GDF7: variants seen among roughly 807,000 people sequenced by gnomAD.
GDF7 encodes the protein growth/differentiation factor 7.
In GDF7, 12 loss-of-function variants were observed where a neutral mutation model predicts 13.4. That is an observed-to-expected ratio of 0.90 (90% CI 0.57 to 1.45). The LOEUF (loss-of-function observed/expected upper bound fraction) is 1.45, where lower values mean the gene tolerates loss of function less well. Ranked by LOEUF, GDF7 falls within the 40% of genes most tolerant of loss-of-function variation. The pLI, the probability that GDF7 is intolerant of heterozygous loss-of-function variation, is 0.00. For missense variants in GDF7, 651 were observed against 652.4 expected, an observed-to-expected ratio of 1.00 and a Z score of 0.02; for synonymous variants, 330 against 306.4, an observed-to-expected ratio of 1.08 and a Z score of -0.80.
Position 20,670,367 on chromosome 2 carries a change from C to G in GDF7, c.392-97C>G. On this transcript the variant is annotated intron_variant, in intron 1 of 1. Transcript: ENST00000272224. ...ACAGGCCTGGCTCCCACATCGAAGACAGCTGGGCCATTTGCTGTTAGGAGG... is the reference window on the plus strand; with the variant it reads ...ACAGGCCTGGCTCCCACATCGAAGAGAGCTGGGCCATTTGCTGTTAGGAGG... 2.3e-6 allele frequency: 3 copies of G among 1,309,622 alleles called. No individual in the cohort carries two copies. The South Asian group carries it at 5.1e-5, about 22-fold the overall frequency. 81.1% of individuals were successfully genotyped at this position (1,309,622 alleles called of 1,614,324 possible).
chr2:20,670,411 C>T (rs1662094158), intron 1 of GDF7, 53 bp from the exon 2 acceptor site: 1 of 1,460,184 alleles, frequency 6.8e-7, no homozygotes, highest in Non-Finnish European at 9.0e-7. Flanking sequence ...TGACAGTGTG[C>T]AGGATTTGCT....
rs542372861 is a variant in GDF7, at chr2:20,678,823, G to A, written c.*7398G>A. The A allele has an allele frequency of 3.3e-5, 5 of 152,238 alleles. No homozygotes were observed. Among genetic ancestry groups the A allele is most frequent in the Non-Finnish European group, 7.3e-5 (5 of 68,044 alleles). The allele number at this position is 152,238 out of a possible 1,614,324, so 9.4% of individuals were successfully genotyped here. ...TTTTCTTAGCTTGGCTTGGGAGTAAGGAGATTGGAGTGTGGGGGGACATTA... is the reference window on the plus strand; with the variant it reads ...TTTTCTTAGCTTGGCTTGGGAGTAAAGAGATTGGAGTGTGGGGGGACATTA... On this transcript the variant is annotated 3_prime_UTR_variant, in exon 2 of 2. Coordinates refer to ENST00000272224, the MANE Select transcript of GDF7 (RefSeq NM_182828.4).
intron 1 of GDF7, among the ~76,000 whole-genome samples, chr2:20,669,137 T>A (rs1662050969): frequency 6.6e-6 from 1 of 152,184 alleles, no homozygotes; most frequent in Non-Finnish European, 1.5e-5. Flanking sequence ...GCAGAGGATC[T>A]GCAGGGAATC....
Position 20,667,269 on chromosome 2 carries a change from C to G in GDF7, c.30C>G (p.Cys10Trp). 8.1e-7 allele frequency: 1 copy of G among 1,237,460 alleles called. No individual in the cohort carries two copies. The highest frequency in any genetic ancestry group is 1.0e-6 in the Non-Finnish European group (1 of 981,688). 76.7% of individuals were successfully genotyped at this position (1,237,460 alleles called of 1,614,324 possible). Residue 10 changes from cysteine (C) to tryptophan (W), a missense_variant, in exon 1 of 2, where the codon TGC becomes TGG. Transcript: ENST00000272224. The surrounding 1 kb of genome is among the most constrained non-coding windows in gnomAD (Gnocchi z 6.4). Reference sequence around the variant, plus strand: ...ACCTGAGCGCCGCCGCCGCGCTGTGCCTTTGGCTGCTGAGCGCCTGCCGCC... The same window carrying G: ...ACCTGAGCGCCGCCGCCGCGCTGTGGCTTTGGCTGCTGAGCGCCTGCCGCC... Reference protein sequence around the residue: MDLSAAAALCLWLLSACRPR... With the variant: MDLSAAAALWLWLLSACRPR...
At position 20,673,378 on chromosome 2, in the gene GDF7, C is replaced by G. The variant is rs779963579; in HGVS notation, c.*1953C>G. On this transcript the variant is annotated 3_prime_UTR_variant, in exon 2 of 2. Transcript: ENST00000272224. Reference sequence around the variant, plus strand: ...AGTGGCTGCTCTGGTACAATTCCATCTTATTTTAGTGACTGGGCAAAGATG... The same window carrying G: ...AGTGGCTGCTCTGGTACAATTCCATGTTATTTTAGTGACTGGGCAAAGATG... The G allele has an allele frequency of 6.6e-6, 1 of 152,070 alleles. No homozygotes were observed. Among genetic ancestry groups the G allele is most frequent in the Non-Finnish European group, 1.5e-5 (1 of 68,024 alleles). The allele number at this position is 152,070 out of a possible 1,614,324, so 9.4% of individuals were successfully genotyped here.
chr2:20,667,193 C>A lies in GDF7; in HGVS notation c.-47C>A, dbSNP rs1695970438. The A allele has an allele frequency of 8.9e-7, 1 of 1,123,952 alleles. No individual in the cohort carries two copies. Among genetic ancestry groups the A allele is most frequent in the Non-Finnish European group, 1.1e-6 (1 of 919,408 alleles). The allele number at this position is 1,123,952 out of a possible 1,614,324, so 69.6% of individuals were successfully genotyped here. A position where few individuals can be genotyped will look rare whatever the true frequency, so the allele number is the denominator to read the frequency against. On this transcript the variant is annotated 5_prime_UTR_variant, in exon 1 of 2. Transcript: ENST00000272224. The surrounding 1 kb of genome is among the most constrained non-coding windows in gnomAD (Gnocchi z 6.4). ...GTTCAAAAGGCGCCGGGGGACTTCC[C>A]GGAGCCACGGAGCCCGCGCCGCCCG... is the stretch of plus-strand genomic sequence containing the variant.
At position 20,678,730 on chromosome 2, in the gene GDF7, A is replaced by T. The variant is rs1662274698; in HGVS notation, c.*7305A>T. On this transcript the variant is annotated 3_prime_UTR_variant, in exon 2 of 2. Transcript: ENST00000272224. The stretch of plus-strand genomic sequence containing the variant: ...CTCAGTAACATGCCATTTCCTCAGC[A>T]GCTAAAGACAAAAAGAATTATTTTG... 1 of 152,288 alleles carries T rather than the reference A, an allele frequency of 6.6e-6. No individual in the cohort carries two copies. Among genetic ancestry groups the T allele is most frequent in the South Asian group, 2.1e-4 (1 of 4,836 alleles). The allele number at this position is 152,288 out of a possible 1,614,324, so 9.4% of individuals were successfully genotyped here.
chr2:20,667,399 G>A lies in GDF7; in HGVS notation c.160G>A (p.Ala54Thr). 1 of 427,618 alleles carries A rather than the reference G, an allele frequency of 2.3e-6. No individual in the cohort carries two copies. Among genetic ancestry groups the A allele is most frequent in the Non-Finnish European group, 3.0e-6 (1 of 337,868 alleles). The allele number at this position is 427,618 out of a possible 1,614,324, so 26.5% of individuals were successfully genotyped here. Residue 54 changes from alanine to threonine, a missense_variant, in exon 1 of 2, where the codon GCC (alanine) becomes ACC (threonine). By Grantham distance (58) the Ala-to-Thr change is moderately conservative (BLOSUM62 0). This residue lies in a region of GDF7 where 2 missense variants were observed against 16.8 expected (regional missense o/e 0.12). Transcript: ENST00000272224. The surrounding 1 kb of genome is among the most constrained non-coding windows in gnomAD (Gnocchi z 6.4). ...GGGGGGGRTL[A>T]QAAGAAAVPA... ...CGGCGGCGGCGGCGGGCGGACTCTT[G>A]CCCAGGCTGCGGGCGCCGCGGCTGT... is the stretch of plus-strand genomic sequence containing the variant.
chr2:20,669,346 C>T (rs1662055749), intron 1 of GDF7, among the ~76,000 whole-genome samples: 1 of 152,114 alleles, frequency 6.6e-6, no homozygotes, highest in African/African-American at 2.4e-5. Flanking sequence ...CATAGTCTCT[C>T]CGAGTTTAGG....
In GDF7 at chr2:20,678,538, G is replaced by C. The variant is rs1444212563; in HGVS notation, c.*7113G>C. ...CTTTCTCTGTGAAGGTTGTTGCAGA[G>C]CTCCCGTACCAGCTTATAAAATGCG... On this transcript the variant is annotated 3_prime_UTR_variant, in exon 2 of 2. Transcript: ENST00000272224. 1 of 152,182 alleles carries C rather than the reference G, an allele frequency of 6.6e-6. No individual in the cohort carries two copies. The highest frequency in any genetic ancestry group is 1.5e-5 in the Non-Finnish European group (1 of 68,028). 9.4% of individuals were successfully genotyped at this position (152,182 alleles called of 1,614,324 possible).
rs1038810613 is a variant in GDF7, at chr2:20,676,392, G to T, written c.*4967G>T. 6.6e-6 allele frequency: 1 copy of T among 152,276 alleles called. No individual in the cohort carries two copies. Among genetic ancestry groups the T allele is most frequent in the African/African-American group, 2.4e-5 (1 of 41,474 alleles). The allele number at this position is 152,276 out of a possible 1,614,324, so 9.4% of individuals were successfully genotyped here. Reference sequence around the variant, plus strand: ...GTACCTGGAACCTCCTGACCATGTAGGCTGCAGCACAGCTGTCTTCCTCCC... The same window carrying T: ...GTACCTGGAACCTCCTGACCATGTATGCTGCAGCACAGCTGTCTTCCTCCC... On this transcript the variant is annotated 3_prime_UTR_variant, in exon 2 of 2. Transcript: ENST00000272224.
In GDF7 at chr2:20,677,992, T is replaced by C. The variant is rs1340033695; in HGVS notation, c.*6567T>C. 6 of 153,896 alleles carry C rather than the reference T, an allele frequency of 3.9e-5. No homozygotes were observed. The highest frequency in any genetic ancestry group is 5.8e-5 in the Non-Finnish European group (4 of 69,422). The allele number at this position is 153,896 out of a possible 1,614,324, so 9.5% of individuals were successfully genotyped here. A position where few individuals can be genotyped will look rare whatever the true frequency, so the allele number is the denominator to read the frequency against. Reference sequence around the variant, plus strand: ...GCAGCAGCAGCAGCAGCAGCTGGGCTTGGGGTGAGTAGGCTGGCTTGAGGA... The same window carrying C: ...GCAGCAGCAGCAGCAGCAGCTGGGCCTGGGGTGAGTAGGCTGGCTTGAGGA... On this transcript the variant is annotated 3_prime_UTR_variant, in exon 2 of 2. Coordinates refer to ENST00000272224, the MANE Select transcript of GDF7 (RefSeq NM_182828.4).
In GDF7 at chr2:20,670,595, A is replaced by T. The variant is rs1252914650; in HGVS notation, c.523A>T (p.Thr175Ser). 1 of 1,597,600 alleles carries T rather than the reference A, an allele frequency of 6.3e-7. No homozygotes were observed. ...GSPESGPGSW[T>S]SPPLLLLSTC... Reference sequence around the variant, plus strand: ...TCCAGAGTCGGGCCCAGGCAGCTGGACTTCTCCGCCGTTGCTGCTGCTGTC... The same window carrying T: ...TCCAGAGTCGGGCCCAGGCAGCTGGTCTTCTCCGCCGTTGCTGCTGCTGTC... Residue 175 changes from threonine to serine, a missense_variant, in exon 2 of 2, where the codon ACT becomes TCT. Transcript: ENST00000272224.
In GDF7 at chr2:20,677,757, C is replaced by T. The variant is rs1662256494; in HGVS notation, c.*6332C>T. ...GCTGGTGCAACTGCACACACCTTTT[C>T]TCTGGTTTTTAGTACTCACAGGTCA... On this transcript the variant is annotated 3_prime_UTR_variant, in exon 2 of 2. Coordinates refer to ENST00000272224, the MANE Select transcript of GDF7 (RefSeq NM_182828.4). 1 of 152,258 alleles carries T rather than the reference C, an allele frequency of 6.6e-6. No homozygotes were observed. Among genetic ancestry groups the T allele is most frequent in the African/African-American group, 2.4e-5 (1 of 41,456 alleles). The allele number at this position is 152,258 out of a possible 1,614,324, so 9.4% of individuals were successfully genotyped here. A position where few individuals can be genotyped will look rare whatever the true frequency, so the allele number is the denominator to read the frequency against.
At chr2:20,670,063 T>G (rs2149310928) in intron 1 of GDF7, among the ~76,000 whole-genome samples, 1 of 152,264 alleles carries the variant, frequency 6.6e-6, no homozygotes, top group African/African-American at 2.4e-5. Flanking sequence ...CGACTTCTTT[T>G]CAACCCAGCC....
chr2:20,677,469 T>C lies in GDF7; in HGVS notation c.*6044T>C, dbSNP rs1662251136. 1 of 152,250 alleles carries C rather than the reference T, an allele frequency of 6.6e-6. No homozygotes were observed. The highest frequency in any genetic ancestry group is 1.5e-5 in the Non-Finnish European group (1 of 68,088). 9.4% of individuals were successfully genotyped at this position (152,250 alleles called of 1,614,324 possible). On this transcript the variant is annotated 3_prime_UTR_variant, in exon 2 of 2. Transcript: ENST00000272224. ...AGGAGGTGGGCAAGTGGCTGTCTTC[T>C]CTGCAGAATACCTGCACTGCTCCAT...
In GDF7 at chr2:20,667,444, C is replaced by G. The variant is rs1695985322; in HGVS notation, c.205C>G (p.Arg69Gly). The G allele has an allele frequency of 2.7e-6, 3 of 1,106,088 alleles. No homozygotes were observed. Among genetic ancestry groups the G allele is most frequent in the Non-Finnish European group, 3.3e-6 (3 of 905,738 alleles). 68.5% of individuals were successfully genotyped at this position (1,106,088 alleles called of 1,614,324 possible). Residue 69 changes from arginine to glycine, a missense_variant, in exon 1 of 2, where the codon CGG becomes GGG. This residue lies in a region of GDF7 where 487 missense variants were observed against 445.9 expected (regional missense o/e 1.09). Coordinates refer to ENST00000272224, the MANE Select transcript of GDF7 (RefSeq NM_182828.4). The surrounding 1 kb of genome is among the most constrained non-coding windows in gnomAD (Gnocchi z 6.4). Reference protein sequence around the residue: ...AAAVPAAAVPRARAARRAAGS... With the variant: ...AAAVPAAAVPGARAARRAAGS... ...GGCTGTCCCGGCCGCCGCGGTTCCC[C>G]GGGCCCGCGCCGCGCGCCGCGCCGC...
At chr2:20,669,697 C>T (rs1662076696) in intron 1 of GDF7, among the ~76,000 whole-genome samples, 2 of 152,204 alleles carry the variant, frequency 1.3e-5, no homozygotes, top group Admixed American at 1.3e-4. Flanking sequence ...GGAGGAGGTG[C>T]ATTTGGGGTT....
chr2:20,674,575 C>G lies in GDF7; in HGVS notation c.*3150C>G. 1 of 152,308 alleles carries G rather than the reference C, an allele frequency of 6.6e-6. No individual in the cohort carries two copies. The highest frequency in any genetic ancestry group is 1.5e-5 in the Non-Finnish European group (1 of 68,106). 9.4% of individuals were successfully genotyped at this position (152,308 alleles called of 1,614,324 possible). A position where few individuals can be genotyped will look rare whatever the true frequency, so the allele number is the denominator to read the frequency against. ...ACCCACACTGGCAGGCGGGCATTTC[C>G]ACTGATTCCCAAACACACTTGCCTT... On this transcript the variant is annotated 3_prime_UTR_variant, in exon 2 of 2. Coordinates refer to ENST00000272224, the MANE Select transcript of GDF7 (RefSeq NM_182828.4).
Sources: gnomAD v4.1 joint callset for allele counts (sites outside exome capture counted in the v4.1 genomes callset) on GRCh38, gnomAD v4.1.1 for gene constraint, gnomAD v4.1.1 regional missense constraint, Gnocchi (gnomAD v3.1) non-coding constraint, MANE v1.5 for transcripts, NCBI Gene and HGNC (gene_info 2026-07-23, HGNC 2026-07-21) for gene names.